Variants in DENND4A observed in about 807,000 individuals in gnomAD.
DENND4A encodes DENN domain containing 4A.
Under a neutral mutation model 199.3 loss-of-function variants are expected in DENND4A, and 70 were observed. The observed-to-expected ratio is 0.35, with a 90% CI of 0.29 to 0.43. The LOEUF (loss-of-function observed/expected upper bound fraction) is 0.43, where lower values mean the gene tolerates loss of function less well. DENND4A is among the 20% of genes least tolerant of loss of function. The pLI is 1.00. For synonymous variants in DENND4A, 686 were observed against 766.9 expected (o/e 0.89, Z 1.74); for missense variants, 1,723 against 2,255.8 (o/e 0.76, Z 4.78).
chr15:65,729,227 C>G lies in DENND4A; in HGVS notation c.1332G>C (p.Trp444Cys). The G allele has an allele frequency of 6.3e-7, 1 of 1,578,792 alleles. No homozygotes were observed. The highest frequency in any genetic ancestry group is 1.2e-5 in the South Asian group (1 of 85,986). Residue 444 changes from tryptophan (W) to cysteine (C), a missense_variant, in exon 11 of 33, where the codon TGG (tryptophan) becomes TGC (cysteine). Physicochemically the swap from Trp to Cys is radical, Grantham distance 215. This residue lies in a region of DENND4A where 725 missense variants were observed against 952.9 expected (regional missense o/e 0.76). Coordinates refer to ENST00000443035, the MANE Select transcript of DENND4A (RefSeq NM_001320835.1). ...ALVSMIFPFH[W>C]PCPYVPLCPL... The stretch of plus-strand genomic sequence containing the variant: ...GGCAGAGAGGAACATACGGGCATGG[C>G]CAGTGGAAAGGGAAAATCATCTTGG...
chr15:65,776,228 CAATA>C (rs2077279908), intron 1 of DENND4A, among the ~76,000 whole-genome samples: 1 of 152,088 alleles, frequency 6.6e-6, no homozygotes, highest in Non-Finnish European at 1.5e-5. Context: ...AGAAGTCAGT[CAATA>C]AATGTTTGCT....
chr15:65,694,691 T>C (rs967724517), intron 22 of DENND4A, among the ~76,000 whole-genome samples: 9 of 152,214 alleles, frequency 5.9e-5, no homozygotes, highest in African/African-American at 1.9e-4. Context: ...TATTTCTATA[T>C]ATCCCATGTA....
At chr15:65,717,220 CA>C (rs1425756244) in intron 13 of DENND4A, among the ~76,000 whole-genome samples, 1 of 151,916 alleles carries the variant, frequency 6.6e-6, no homozygotes, top group Non-Finnish European at 1.5e-5. Context: ...CGGAGGTACT[CA>C]ATATATACTT....
At chr15:65,723,599 G>C (rs1034066446) in intron 11 of DENND4A, among the ~76,000 whole-genome samples, 1 of 151,952 alleles carries the variant, frequency 6.6e-6, no homozygotes, top group Admixed American at 6.6e-5. Flanking sequence ...GATACATTCC[G>C]AGACCCCCAG....
intron 20 of DENND4A, among the ~76,000 whole-genome samples, chr15:65,699,642 T>C (rs1467040133): frequency 6.7e-6 from 1 of 148,562 alleles, no homozygotes; most frequent in African/African-American, 2.4e-5. Context: ...CTACTACACA[T>C]ACATATATAA....
chr15:65,759,371 G>C (rs1388952023), intron 2 of DENND4A, among the ~76,000 whole-genome samples: 1 of 152,128 alleles, frequency 6.6e-6, no homozygotes, highest in East Asian at 1.9e-4. Flanking sequence ...CCAGCTACTC[G>C]GGAGGCTGAG....
chr15:65,740,478 C>T (rs777296607), intron 5 of DENND4A, among the ~76,000 whole-genome samples: 2 of 149,134 alleles, frequency 1.3e-5, no homozygotes, highest in African/African-American at 2.5e-5. Context: ...TAGCCAGGCA[C>T]GGTGGCACAT....
At chr15:65,668,959 A>G (rs1357292522) in intron 27 of DENND4A, among the ~76,000 whole-genome samples, 1 of 152,208 alleles carries the variant, frequency 6.6e-6, no homozygotes, top group Non-Finnish European at 1.5e-5. Context: ...TCAACTGTAA[A>G]TATTCAAAAT....
intron 23 of DENND4A, among the ~76,000 whole-genome samples, 197 bp downstream of exon 23, chr15:65,690,218 A>G (rs1284047608): frequency 6.6e-6 from 1 of 152,204 alleles, no homozygotes; most frequent in African/African-American, 2.4e-5. Context: ...CTGAACTACA[A>G]ATATAACCTT....
intron 12 of DENND4A, among the ~76,000 whole-genome samples, chr15:65,720,361 A>G (rs948459242): frequency 1.3e-5 from 2 of 152,144 alleles, no homozygotes; most frequent in African/African-American, 4.8e-5. Context: ...TTATTGTCTA[A>G]AAAAGTGAAA....
intron 12 of DENND4A, among the ~76,000 whole-genome samples, chr15:65,720,982 T>TATATATATATATATATA (rs71447856): frequency 2.6e-3 from 317 of 123,454 alleles, no homozygotes; most frequent in South Asian, 3.9e-3. Flanking sequence ...TATATATATA[T>TATATATATATATATATA]TTGTACTTTT....
At chr15:65,746,455 C>T (rs1445091743) in intron 4 of DENND4A, among the ~76,000 whole-genome samples, 2 of 124,568 alleles carry the variant, frequency 1.6e-5, no homozygotes, top group Non-Finnish European at 1.6e-5. Flanking sequence ...GGCATGATCT[C>T]GGCTCACTGC....
chr15:65,754,410 T>C (rs1384502076), intron 3 of DENND4A, among the ~76,000 whole-genome samples: 1 of 152,222 alleles, frequency 6.6e-6, no homozygotes, highest in East Asian at 1.9e-4. Flanking sequence ...TGTAAGCAGT[T>C]ACTTAACCTC....
intron 15 of DENND4A, among the ~76,000 whole-genome samples, chr15:65,703,608 T>C (rs1350798481): frequency 2.0e-5 from 3 of 152,208 alleles, no homozygotes; most frequent in African/African-American, 7.2e-5. Flanking sequence ...AAGGTTAGAA[T>C]AGGTGCTCTA....
Position 65,661,721 on chromosome 15 carries a change from G to A in DENND4A, c.*130C>T. ...TCTTCAAACATTCTGTACATAAGCT[G>A]TCTGAGTCTTTTGAACCATTTACAA... On this transcript the variant is annotated 3_prime_UTR_variant, in exon 33 of 33. Transcript: ENST00000443035. The A allele has an allele frequency of 2.6e-6, 2 of 770,962 alleles. No individual in the cohort carries two copies. Among genetic ancestry groups the A allele is most frequent in the Non-Finnish European group, 2.0e-6 (1 of 511,154 alleles). 47.8% of individuals were successfully genotyped at this position (770,962 alleles called of 1,614,324 possible). A position where few individuals can be genotyped will look rare whatever the true frequency, so the allele number is the denominator to read the frequency against.
At chr15:65,720,510 C>T (rs1761123801) in intron 12 of DENND4A, among the ~76,000 whole-genome samples, 2 of 151,234 alleles carry the variant, frequency 1.3e-5, no homozygotes, top group African/African-American at 4.9e-5. Context: ...CTCCCAGGTT[C>T]AAGCTATTCT....
chr15:65,777,668 G>A (rs984381577), intron 1 of DENND4A, among the ~76,000 whole-genome samples: 5 of 151,992 alleles, frequency 3.3e-5, no homozygotes, highest in African/African-American at 1.2e-4. Flanking sequence ...CAAAAAAATT[G>A]ATTAAACAAA....
intron 3 of DENND4A, among the ~76,000 whole-genome samples, chr15:65,755,798 T>A (rs2076685861): frequency 6.6e-6 from 1 of 152,126 alleles, no homozygotes; most frequent in Non-Finnish European, 1.5e-5. Flanking sequence ...ATACTGATCA[T>A]TATAACATGC....
At chr15:65,771,887 G>C in intron 1 of DENND4A, 1 of 1,611,708 alleles carries the variant, frequency 6.2e-7, no homozygotes, top group Non-Finnish European at 8.5e-7. Context: ...GTTGCTCCAG[G>C]TGCATGGTTT....
Sources: allele counts gnomAD v4.1 joint callset (sites outside exome capture counted in the v4.1 genomes callset), GRCh38; gene constraint gnomAD v4.1.1; regional missense constraint gnomAD v4.1.1; transcripts MANE v1.5; gene names NCBI Gene and HGNC (gene_info 2026-07-23, HGNC 2026-07-21).